ASIC2: variants seen among roughly 807,000 people sequenced by gnomAD.
ASIC2 encodes the protein acid-sensing ion channel 2.
A neutral mutation model predicts 57.3 loss-of-function variants in ASIC2; 25 were observed. That is an observed-to-expected ratio of 0.44 (90% CI 0.32 to 0.61). ASIC2 has a LOEUF of 0.61. ASIC2 is among the 20% of genes least tolerant of loss of function. The pLI is 0.06. For missense variants in ASIC2, 641 were observed against 738.1 expected (o/e 0.87, Z 1.52); for synonymous variants, 319 against 307.5 (o/e 1.04, Z -0.39).
At chr17:33,537,406 A>T (rs898807936) in intron 1 of ASIC2, among the ~76,000 whole-genome samples, 6 of 152,122 alleles carry the variant, frequency 3.9e-5, no homozygotes, top group African/African-American at 1.4e-4. Context: ...CCACCCTGCC[A>T]CAGCACGTGC....
At chr17:33,440,491 C>T (rs372692751) in intron 1 of ASIC2, among the ~76,000 whole-genome samples, 27 of 152,226 alleles carry the variant, frequency 1.8e-4, no homozygotes, top group Non-Finnish European at 4.4e-5. Flanking sequence ...CTAGAAATTG[C>T]TGGGTCACAT....
chr17:33,514,826 T>A (rs1914519788), intron 1 of ASIC2, among the ~76,000 whole-genome samples: 1 of 152,222 alleles, frequency 6.6e-6, no homozygotes, highest in African/African-American at 2.4e-5. Flanking sequence ...GCTCACTCTC[T>A]AAATCACTGA....
At chr17:33,629,906 G>T (rs559135811) in intron 1 of ASIC2, among the ~76,000 whole-genome samples, 6 of 152,320 alleles carry the variant, frequency 3.9e-5, no homozygotes, top group African/African-American at 1.4e-4. Flanking sequence ...TTTCTCAGCT[G>T]CAGTACCATG....
In ASIC2 at chr17:33,250,954, T is replaced by C. The variant is rs1190017343; in HGVS notation, c.708+40454A>G. On this transcript the variant is annotated intron_variant, in intron 1 of 9. Transcript: ENST00000225823. ...TTATGTGCAAAAACATATTTATGTGTATACTTTATTTCCATTTTAAACCTG... is the reference window on the plus strand; with the variant it reads ...TTATGTGCAAAAACATATTTATGTGCATACTTTATTTCCATTTTAAACCTG... Among the ~76,000 whole-genome samples, 5 of 152,376 alleles carry C rather than the reference T, an allele frequency of 3.3e-5. No homozygotes were observed. The South Asian group carries it at 6.2e-4, about 19-fold the overall frequency.
At chr17:33,761,495 C>T (rs954594104) in intron 1 of ASIC2, among the ~76,000 whole-genome samples, 7 of 152,110 alleles carry the variant, frequency 4.6e-5, no homozygotes, top group Non-Finnish European at 8.8e-5. Context: ...AAGGATCTTG[C>T]TGCAGATGTG....
chr17:33,186,430 G>A (rs1010525090), intron 1 of ASIC2, among the ~76,000 whole-genome samples: 2 of 151,990 alleles, frequency 1.3e-5, no homozygotes, highest in African/African-American at 4.8e-5. Context: ...ATCTTAATGG[G>A]CATTTCTCGC....
At chr17:33,375,988 G>A (rs1330633577) in intron 1 of ASIC2, among the ~76,000 whole-genome samples, 4 of 152,192 alleles carry the variant, frequency 2.6e-5, no homozygotes, top group Non-Finnish European at 4.4e-5. Context: ...ACATCTGAAT[G>A]GAGACGTTGA....
intron 1 of ASIC2, among the ~76,000 whole-genome samples, chr17:33,587,085 A>G (rs1904664553): frequency 6.6e-6 from 1 of 152,228 alleles, no homozygotes; most frequent in Non-Finnish European, 1.5e-5. Flanking sequence ...TTGTGTAAAT[A>G]ATGTTCTGTT....
intron 1 of ASIC2, among the ~76,000 whole-genome samples, chr17:33,524,942 C>T (rs1188052326): frequency 2.6e-5 from 4 of 151,974 alleles, no homozygotes; most frequent in Admixed American, 2.6e-4. Flanking sequence ...CTAGGGAGCC[C>T]AGCAGCTCCC....
At chr17:34,120,453 A>C (rs74880952) in intron 1 of ASIC2, among the ~76,000 whole-genome samples, 3,942 of 152,016 alleles carry the variant, frequency 0.026, 196 homozygotes, top group African/African-American at 0.09. Context: ...AGAGTTGATA[A>C]TGGAATGGTT....
At chr17:33,119,226 T>C (rs1423456379) in intron 1 of ASIC2, among the ~76,000 whole-genome samples, 1 of 152,210 alleles carries the variant, frequency 6.6e-6, no homozygotes, top group African/African-American at 2.4e-5. Context: ...TCATCTCTTC[T>C]TGCTTATTAC....
chr17:33,984,045 T>G (rs1448013616), intron 1 of ASIC2: 1 of 152,246 alleles, frequency 6.6e-6, no homozygotes, highest in Non-Finnish European at 1.5e-5. Context: ...CTCTTTTCTA[T>G]TTTGGTTTCT....
intron 1 of ASIC2, among the ~76,000 whole-genome samples, chr17:33,700,223 C>A (rs766767326): frequency 1.3e-5 from 2 of 152,126 alleles, no homozygotes; most frequent in African/African-American, 2.4e-5. Context: ...AATCTTCCTG[C>A]CGACTCAGGG....
intron 1 of ASIC2, among the ~76,000 whole-genome samples, chr17:33,272,593 T>C (rs1904540423): frequency 1.3e-5 from 2 of 152,286 alleles, no homozygotes; most frequent in East Asian, 3.9e-4. Context: ...ATTGTCATCA[T>C]CATCATCATC....
chr17:33,180,239 T>A (rs1320306720), intron 1 of ASIC2, among the ~76,000 whole-genome samples: 2 of 152,208 alleles, frequency 1.3e-5, no homozygotes, highest in East Asian at 3.8e-4. Context: ...AAACTAGAAA[T>A]CCCTGAGCAT....
chr17:33,475,184 T>C (rs1000232893), intron 1 of ASIC2, among the ~76,000 whole-genome samples: 11 of 152,224 alleles, frequency 7.2e-5, no homozygotes, highest in African/African-American at 2.6e-4. Context: ...CGAAAAGTCA[T>C]AACCTACCTA....
Position 33,013,908 on chromosome 17 carries a change from C to G in ASIC2, c.*57G>C. 1 of 1,428,522 alleles carries G rather than the reference C, an allele frequency of 7.0e-7. No individual in the cohort carries two copies. Among genetic ancestry groups the G allele is most frequent in the Non-Finnish European group, 9.7e-7 (1 of 1,034,416 alleles). 88.5% of individuals were successfully genotyped at this position (1,428,522 alleles called of 1,614,324 possible). ...CCCACCTGAGCTTGCTGTTCCTTGT[C>G]CTGGGTCTTGGGCCTCAAGGTCTGT... On this transcript the variant is annotated 3_prime_UTR_variant, in exon 10 of 10. Coordinates refer to ENST00000225823, the MANE Select transcript of ASIC2 (RefSeq NM_183377.2).
intron 1 of ASIC2, among the ~76,000 whole-genome samples, chr17:33,573,353 G>A (rs966538151): frequency 1.3e-5 from 2 of 151,840 alleles, no homozygotes; most frequent in Non-Finnish European, 2.9e-5. Flanking sequence ...AAATACCCAC[G>A]GCCCATCTCA....
intron 1 of ASIC2, among the ~76,000 whole-genome samples, chr17:33,218,759 ACGG>A (rs1907591879): frequency 6.6e-6 from 1 of 152,030 alleles, no homozygotes; most frequent in Admixed American, 6.6e-5. Context: ...TCCAGCAGGG[ACGG>A]TAAATCCGAT....
Sources: gnomAD v4.1 joint callset for allele counts (sites outside exome capture counted in the v4.1 genomes callset) on GRCh38, gnomAD v4.1.1 for gene constraint, MANE v1.5 for transcripts, NCBI Gene and HGNC (gene_info 2026-07-23, HGNC 2026-07-21) for gene names.